The following SGCE variants were observed in gnomAD, a reference collection of about 807,000 sequenced individuals.
SGCE encodes sarcoglycan epsilon.
In SGCE, 26 loss-of-function variants were observed where a neutral mutation model predicts 57.8. The ratio of observed to expected loss-of-function variants is 0.45; its 90% CI spans 0.33 to 0.62. The LOEUF (loss-of-function observed/expected upper bound fraction) is 0.62, where lower values mean the gene tolerates loss of function less well. Among genes scored for constraint, SGCE ranks in the 20% least tolerant of loss-of-function variants. The pLI, the probability that SGCE is intolerant of heterozygous loss-of-function variation, is 0.02. For missense variants in SGCE, 468 were observed against 548.6 expected (o/e 0.85, Z 1.47); for synonymous variants, 183 against 189.5 (o/e 0.97, Z 0.28).
chr7:94,654,465 G>A (rs1373775803), intron 1 of SGCE, among the ~76,000 whole-genome samples: 1 of 152,148 alleles, frequency 6.6e-6, no homozygotes, highest in African/African-American at 2.4e-5. Context: ...ACTCTACCAA[G>A]CATAAGAAAT....
intron 1 of SGCE, among the ~76,000 whole-genome samples, chr7:94,634,404 G>C (rs747474710): frequency 3.3e-5 from 5 of 152,064 alleles, no homozygotes; most frequent in Admixed American, 3.3e-4. Flanking sequence ...GTCATTTACC[G>C]ATCACACTGT....
At chr7:94,614,859 CATT>C (rs1277884581) in intron 5 of SGCE, among the ~76,000 whole-genome samples, 1 of 151,932 alleles carries the variant, frequency 6.6e-6, no homozygotes, top group Non-Finnish European at 1.5e-5. Flanking sequence ...ACTGAATAAA[CATT>C]AAACTATGAA....
chr7:94,628,165 T>A, intron 3 of SGCE, 37 bp downstream of exon 3: 1 of 1,285,956 alleles, frequency 7.8e-7, no homozygotes, highest in Non-Finnish European at 1.1e-6. Flanking sequence ...CACACACACA[T>A]ATATGTATAG....
chr7:94,635,394 T>TTTTAA (rs1805467050), intron 1 of SGCE, among the ~76,000 whole-genome samples: 1 of 152,246 alleles, frequency 6.6e-6, no homozygotes, highest in Non-Finnish European at 1.5e-5. Context: ...ATCTGCTGTA[T>TTTTAA]CTTTTAAAAT....
chr7:94,603,153 C>A lies in SGCE; in HGVS notation c.825+137G>T, dbSNP rs898991453. The A allele has an allele frequency of 3.2e-5, 21 of 661,498 alleles. No individual in the cohort carries two copies. In the African/African-American group the frequency reaches 3.6e-4, roughly 11 times the overall value. 41.0% of individuals were successfully genotyped at this position (661,498 alleles called of 1,614,324 possible). ...TGCACTGTCAACGAGCTTACCAGAT[C>A]CTTAATCTCAAGGGAAGTCAACTGC... On this transcript the variant is annotated intron_variant, in intron 6 of 10. Coordinates refer to ENST00000648936, the MANE Select transcript of SGCE (RefSeq NM_003919.3).
chr7:94,587,426 A>T lies in SGCE; in HGVS notation c.1297+1263T>A, dbSNP rs149413332. ...GCCTGAAATAATTAAGAATCAGAAG[A>T]TAGAAATCTTAGGCGAGATGGAAGC... On this transcript the variant is annotated intron_variant, in intron 10 of 10. Transcript: ENST00000648936. 1.5e-3 allele frequency: 1,760 copies of T among 1,157,290 alleles called. 27 individuals are homozygous for T. In the African/African-American group the frequency reaches 0.025, roughly 17 times the overall value. 71.7% of individuals were successfully genotyped at this position (1,157,290 alleles called of 1,614,324 possible).
intron 5 of SGCE, among the ~76,000 whole-genome samples, chr7:94,610,434 G>T (rs1562826483): frequency 6.6e-6 from 1 of 152,082 alleles, no homozygotes; most frequent in Admixed American, 6.6e-5. Flanking sequence ...GTTGATAATG[G>T]GGGAGGCGAT....
At position 94,603,427 on chromosome 7, in the gene SGCE, C is replaced by T; in HGVS notation, c.688G>A (p.Val230Ile). ...EGVYVMVGAD[V>I]PFSSCLREVE... Reference sequence around the variant, plus strand: ...TCTCGTAAACAAGAAGAAAACGGGACATCTGCACCAACCATGACATAAACG... The same window carrying T: ...TCTCGTAAACAAGAAGAAAACGGGATATCTGCACCAACCATGACATAAACG... Residue 230 changes from valine to isoleucine, a missense_variant, in exon 6 of 11, where the codon GTC (valine) becomes ATC (isoleucine). By Grantham distance (29) the Val-to-Ile change is conservative. Coordinates refer to ENST00000648936, the MANE Select transcript of SGCE (RefSeq NM_003919.3). 6.2e-7 allele frequency: 1 copy of T among 1,613,332 alleles called. No individual in the cohort carries two copies. Among genetic ancestry groups the T allele is most frequent in the Non-Finnish European group, 8.5e-7 (1 of 1,179,518 alleles).
At chr7:94,647,642 T>TCTAGG (rs1807289223) in intron 1 of SGCE, among the ~76,000 whole-genome samples, 1 of 152,252 alleles carries the variant, frequency 6.6e-6, no homozygotes, top group South Asian at 2.1e-4. Context: ...TGACCTCCTG[T>TCTAGG]CTAGCCTCAT....
intron 5 of SGCE, among the ~76,000 whole-genome samples, chr7:94,615,654 T>C (rs911257770): frequency 4.6e-5 from 7 of 152,150 alleles, no homozygotes; most frequent in South Asian, 2.1e-4. Context: ...CTGTTGTTGA[T>C]TGAAACTGGA....
chr7:94,610,635 T>C (rs1467224486), intron 5 of SGCE, among the ~76,000 whole-genome samples: 2 of 151,940 alleles, frequency 1.3e-5, no homozygotes, highest in Admixed American at 1.3e-4. Context: ...GCTCCAGCAG[T>C]AACAGAAAAA....
chr7:94,630,192 G>A (rs1442693236), intron 1 of SGCE, among the ~76,000 whole-genome samples: 1 of 151,664 alleles, frequency 6.6e-6, no homozygotes, highest in Non-Finnish European at 1.5e-5. Context: ...TACATCATGA[G>A]AACTGACCAG....
At chr7:94,587,435 T>C (rs1409304484) in intron 10 of SGCE, 1 of 1,170,100 alleles carries the variant, frequency 8.5e-7, no homozygotes, top group African/African-American at 1.6e-5. Context: ...GATAGAAATC[T>C]TAGGCGAGAT....
chr7:94,604,837 AT>A (rs1799831065), intron 5 of SGCE, among the ~76,000 whole-genome samples: 2 of 69,674 alleles, frequency 2.9e-5, no homozygotes, highest in African/African-American at 4.5e-5. Context: ...ATATATATAT[AT>A]ATATATATAT....
At chr7:94,646,240 G>A (rs1302534688) in intron 1 of SGCE, among the ~76,000 whole-genome samples, 4 of 152,216 alleles carry the variant, frequency 2.6e-5, no homozygotes, top group Admixed American at 6.5e-5. Flanking sequence ...TTCAGAGGAA[G>A]CAATGCAGCA....
At chr7:94,635,070 A>C (rs1271204694) in intron 1 of SGCE, among the ~76,000 whole-genome samples, 1 of 152,234 alleles carries the variant, frequency 6.6e-6, no homozygotes, top group East Asian at 1.9e-4. Context: ...ATAATTAATA[A>C]GTAACTTATT....
chr7:94,585,259 A>T lies in SGCE; in HGVS notation c.*240T>A, dbSNP rs1353093668. 1 of 454,182 alleles carries T rather than the reference A, an allele frequency of 2.2e-6. No individual in the cohort carries two copies. The highest frequency in any genetic ancestry group is 3.6e-5 in the Admixed American group (1 of 27,718). 28.1% of individuals were successfully genotyped at this position (454,182 alleles called of 1,614,324 possible). ...TTAATAATATTTATTTTAAAGATCA[A>T]CTTTTATTGTAACAAATATAAAGTC... On this transcript the variant is annotated 3_prime_UTR_variant, in exon 11 of 11. Coordinates refer to ENST00000648936, the MANE Select transcript of SGCE (RefSeq NM_003919.3).
At chr7:94,653,319 T>G (rs1361781637) in intron 1 of SGCE, among the ~76,000 whole-genome samples, 1 of 152,130 alleles carries the variant, frequency 6.6e-6, no homozygotes, top group Non-Finnish European at 1.5e-5. Flanking sequence ...AACAGCTTCG[T>G]AGATCTACAG....
intron 1 of SGCE, among the ~76,000 whole-genome samples, chr7:94,647,235 T>A (rs146590377): frequency 3.1e-4 from 47 of 152,268 alleles, no homozygotes; most frequent in African/African-American, 1.1e-3. Context: ...GCCCTCTTCA[T>A]CCTGTGTGTG....
Sources: gnomAD v4.1 joint callset for allele counts (sites outside exome capture counted in the v4.1 genomes callset) on GRCh38, gnomAD v4.1.1 for gene constraint, MANE v1.5 for transcripts, NCBI Gene and HGNC (gene_info 2026-07-23, HGNC 2026-07-21) for gene names.